Variants in ADAMTS12 observed in about 807,000 individuals in gnomAD.
The protein encoded by ADAMTS12 is ADAM metallopeptidase with thrombospondin type 1 motif 12.
In ADAMTS12, 118 loss-of-function variants were observed where a neutral mutation model predicts 167.8. The ratio of observed to expected loss-of-function variants is 0.70; its 90% CI spans 0.61 to 0.82. The LOEUF (loss-of-function observed/expected upper bound fraction) is 0.82, where lower values mean the gene tolerates loss of function less well. Ranked by LOEUF, ADAMTS12 falls within the 40% of genes least tolerant of loss-of-function variation. The pLI is 0.00. For missense variants in ADAMTS12, 1,916 were observed against 1,998.8 expected (o/e 0.96, Z 0.79); for synonymous variants, 704 against 716.9 (o/e 0.98, Z 0.29).
At chr5:33,876,068 A>G (rs1053374467) in intron 2 of ADAMTS12, among the ~76,000 whole-genome samples, 2 of 152,184 alleles carry the variant, frequency 1.3e-5, no homozygotes, top group Admixed American at 1.3e-4. Context: ...AGAAAATGAG[A>G]TATTTAGAAG....
chr5:33,758,970 A>G (rs1162306233), intron 2 of ADAMTS12, among the ~76,000 whole-genome samples: 1 of 152,228 alleles, frequency 6.6e-6, no homozygotes, highest in Non-Finnish European at 1.5e-5. Flanking sequence ...AGTTAACACA[A>G]AACAGATCAG....
rs145485138 is a variant in ADAMTS12 at position 33,833,025 on chromosome 5, CT to C, written c.489+48093del. On this transcript the variant is annotated intron_variant, in intron 2 of 23. Transcript: ENST00000504830. ...CTTTTGTTTCTCTCTAGTCATTGAT[CT>C]TCCAGAAGTACAATAGCTATAAATA... is the stretch of plus-strand genomic sequence containing the variant. Among the ~76,000 whole-genome samples, 614 of 152,252 alleles carry C rather than the reference CT, an allele frequency of 4.0e-3. 6 individuals carry two copies. Among genetic ancestry groups the C allele is most frequent in the African/African-American group, 0.014 (593 of 41,548 alleles).
intron 3 of ADAMTS12, among the ~76,000 whole-genome samples, chr5:33,704,995 G>A (rs564511335): frequency 2.0e-5 from 3 of 151,706 alleles, no homozygotes; most frequent in African/African-American, 7.2e-5. Context: ...TGTATATAGT[G>A]TGAGGTAAGG....
chr5:33,671,721 C>T (rs1741697544), intron 5 of ADAMTS12, among the ~76,000 whole-genome samples: 1 of 151,872 alleles, frequency 6.6e-6, no homozygotes, highest in Non-Finnish European at 1.5e-5. Context: ...AAGCCACATA[C>T]TCACATACCC....
intron 2 of ADAMTS12, among the ~76,000 whole-genome samples, chr5:33,862,044 T>C (rs1749636380): frequency 1.3e-5 from 2 of 151,978 alleles, no homozygotes. Context: ...TAGAGGGAAA[T>C]ATACAGCACT....
At chr5:33,715,969 C>T (rs750641027) in intron 3 of ADAMTS12, among the ~76,000 whole-genome samples, 6 of 152,122 alleles carry the variant, frequency 3.9e-5, no homozygotes, top group Non-Finnish European at 8.8e-5. Context: ...CATTTTACAG[C>T]TCTGTAAAGA....
At chr5:33,652,478 T>C (rs1281500618) in intron 7 of ADAMTS12, among the ~76,000 whole-genome samples, 1 of 152,144 alleles carries the variant, frequency 6.6e-6, no homozygotes, top group Non-Finnish European at 1.5e-5. Context: ...AATGGGGTTG[T>C]TTATTTTTTC....
chr5:33,649,750 G>A (rs1361013119), intron 7 of ADAMTS12, 53 bp from the exon 8 acceptor site: 9 of 1,594,354 alleles, frequency 5.6e-6, no homozygotes, highest in Non-Finnish European at 7.7e-6. Context: ...CATTAAACAG[G>A]AAGAAAAACC....
chr5:33,621,859 T>C (rs1312986895), intron 14 of ADAMTS12, among the ~76,000 whole-genome samples: 1 of 152,202 alleles, frequency 6.6e-6, no homozygotes, highest in Non-Finnish European at 1.5e-5. Flanking sequence ...AAGAAATATA[T>C]AAAAATAACA....
At position 33,615,778 on chromosome 5, in the gene ADAMTS12, A is replaced by G. The variant is rs1039026192; in HGVS notation, c.2388+50T>C. The G allele has an allele frequency of 2.5e-6, 4 of 1,598,880 alleles. No individual in the cohort carries two copies. In the African/African-American group the frequency reaches 5.4e-5, roughly 22 times the overall value. On this transcript the variant is annotated intron_variant, in intron 15 of 23. Transcript: ENST00000504830. ...GCAAGTACCTTGGGGAAAAAGGAGA[A>G]GTATTCTAACTAGCACACATGTCAG...
At chr5:33,660,667 G>C (rs1178692385) in intron 6 of ADAMTS12, among the ~76,000 whole-genome samples, 4 of 152,156 alleles carry the variant, frequency 2.6e-5, no homozygotes, top group Non-Finnish European at 5.9e-5. Flanking sequence ...CTGGCCTCTT[G>C]ATCAGGTCCT....
At chr5:33,779,173 C>G (rs1006599497) in intron 2 of ADAMTS12, among the ~76,000 whole-genome samples, 6 of 140,150 alleles carry the variant, frequency 4.3e-5, no homozygotes, top group African/African-American at 1.6e-4. Flanking sequence ...TCCAAAGGAA[C>G]TGAAATTAGT....
rs187097312 is a variant in ADAMTS12, at chr5:33,803,919, T to C, written c.490-52371A>G. On this transcript the variant is annotated intron_variant, in intron 2 of 23. Coordinates refer to ENST00000504830, the MANE Select transcript of ADAMTS12 (RefSeq NM_030955.4). ...GGGATTATTACAATTCAAGGTGAGA[T>C]TCGGGTGGGGACACAGAGCCAAACC... Among the ~76,000 whole-genome samples, 33 of 152,296 alleles carry C rather than the reference T, an allele frequency of 2.2e-4. No individual in the cohort carries two copies. In the East Asian group the frequency reaches 6.2e-3, roughly 29 times the overall value.
chr5:33,714,197 A>C (rs1743514933), intron 3 of ADAMTS12, among the ~76,000 whole-genome samples: 1 of 152,108 alleles, frequency 6.6e-6, no homozygotes, highest in African/African-American at 2.4e-5. Flanking sequence ...AGCCCCTTTA[A>C]ACTAATTTAG....
chr5:33,654,874 TTGTGTGTG>T (rs34219097), intron 7 of ADAMTS12, among the ~76,000 whole-genome samples: 45 of 141,662 alleles, frequency 3.2e-4, no homozygotes, highest in East Asian at 3.0e-3. Context: ...GTGGGTGATT[TTGTGTGTG>T]TGTGTGTGTG....
chr5:33,849,462 T>TATATATATATTGCACAGCA (rs1749115735), intron 2 of ADAMTS12, among the ~76,000 whole-genome samples: 2 of 108,274 alleles, frequency 1.8e-5, no homozygotes, highest in African/African-American at 9.9e-5. Context: ...TGCACAGCAA[T>TATATATATATTGCACAGCA]ATATATATAT....
chr5:33,700,519 A>G (rs1742960150), intron 3 of ADAMTS12, among the ~76,000 whole-genome samples: 1 of 152,218 alleles, frequency 6.6e-6, no homozygotes, highest in Non-Finnish European at 1.5e-5. Context: ...GCCAAGGGTT[A>G]GGATGGAGGG....
At position 33,576,472 on chromosome 5, in the gene ADAMTS12, T is replaced by C. The variant is rs1390467066; in HGVS notation, c.3554A>G (p.Asn1185Ser). The C allele has an allele frequency of 1.9e-6, 3 of 1,608,644 alleles. No individual in the cohort carries two copies. The highest frequency in any genetic ancestry group is 2.5e-6 in the Non-Finnish European group (3 of 1,177,386). ...VIWTKIRVPG[N>S]DAPVESTEMP... is the part of the protein sequence containing the mutation. ...TTCTGTACTTTCCACTGGAGCGTCA[T>C]TTCCAGGTACTCTGATCTTGGTCCA... Residue 1185 changes from asparagine to serine, a missense_variant, in exon 19 of 24, where the codon AAT becomes AGT. Transcript: ENST00000504830.
intron 18 of ADAMTS12, among the ~76,000 whole-genome samples, chr5:33,577,997 G>A (rs974072998): frequency 3.9e-5 from 6 of 152,190 alleles, no homozygotes; most frequent in Admixed American, 3.3e-4. Context: ...TTCAACACCT[G>A]TGAATGGCAG....
Sources: allele counts gnomAD v4.1 joint callset (sites outside exome capture counted in the v4.1 genomes callset), GRCh38; gene constraint gnomAD v4.1.1; transcripts MANE v1.5; gene names NCBI Gene and HGNC (gene_info 2026-07-23, HGNC 2026-07-21).